Variants in SGCZ observed in about 807,000 individuals in gnomAD.
SGCZ encodes the protein sarcoglycan zeta.
SGCZ carries 40 observed loss-of-function variants against 41.3 expected under a neutral mutation model. That is an observed-to-expected ratio of 0.97 (90% confidence interval 0.75 to 1.26). The LOEUF (loss-of-function observed/expected upper bound fraction) is 1.26. Ranked by LOEUF, SGCZ falls within the 50% of genes most tolerant of loss-of-function variation. The probability of loss-of-function intolerance (pLI) is 0.00; values close to 1 mark genes in which losing one functional copy is unlikely to be tolerated. For synonymous variants in SGCZ, 206 were observed against 137.5 expected, an observed-to-expected ratio of 1.50 and a Z score of -3.49; for missense variants, 552 against 369.8, an observed-to-expected ratio of 1.49 and a Z score of -4.04.
chr8:14,541,746 T>G (rs1278983108), intron 2 of SGCZ, among the ~76,000 whole-genome samples: 1 of 152,044 alleles, frequency 6.6e-6, no homozygotes, highest in East Asian at 1.9e-4. Flanking sequence ...ACACTCCCAT[T>G]AACAGTGTAA....
At chr8:15,020,608 T>C (rs949977183) in intron 1 of SGCZ, among the ~76,000 whole-genome samples, 1 of 152,188 alleles carries the variant, frequency 6.6e-6, no homozygotes, top group Non-Finnish European at 1.5e-5. Flanking sequence ...CACAATTCTA[T>C]TATAGTGCAG....
chr8:14,647,915 G>C (rs1563177669), intron 1 of SGCZ, among the ~76,000 whole-genome samples: 1 of 151,842 alleles, frequency 6.6e-6, no homozygotes, highest in Non-Finnish European at 1.5e-5. Context: ...ATTCTTGTTT[G>C]GGTATTCCTC....
intron 1 of SGCZ, among the ~76,000 whole-genome samples, chr8:15,154,905 T>C (rs1455186646): frequency 6.6e-6 from 1 of 152,206 alleles, no homozygotes; most frequent in Non-Finnish European, 1.5e-5. Context: ...TCTAGTGTTC[T>C]ACAGCAGTGT....
chr8:14,502,820 G>C (rs1563371348), intron 2 of SGCZ, among the ~76,000 whole-genome samples: 3 of 152,186 alleles, frequency 2.0e-5, no homozygotes, highest in African/African-American at 7.2e-5. Context: ...GCGAGGATGT[G>C]GAGAAATAGG....
intron 1 of SGCZ, among the ~76,000 whole-genome samples, chr8:15,016,773 G>A (rs1229265770): frequency 6.6e-6 from 1 of 152,168 alleles, no homozygotes; most frequent in Non-Finnish European, 1.5e-5. Flanking sequence ...TCTGCAGGCT[G>A]TATAAGCATG....
chr8:14,609,979 T>A (rs534890024), intron 1 of SGCZ, among the ~76,000 whole-genome samples: 47 of 152,210 alleles, frequency 3.1e-4, no homozygotes, highest in Non-Finnish European at 6.0e-4. Flanking sequence ...AATACATTCA[T>A]ATTTTTGTTA....
chr8:14,350,330 C>T (rs1803043494), intron 2 of SGCZ, among the ~76,000 whole-genome samples: 1 of 151,472 alleles, frequency 6.6e-6, no homozygotes, highest in South Asian at 2.1e-4. Context: ...AGGTCATATT[C>T]AATAATCTTA....
At chr8:15,233,402 T>C (rs1315741452) in intron 1 of SGCZ, among the ~76,000 whole-genome samples, 1 of 151,782 alleles carries the variant, frequency 6.6e-6, no homozygotes, top group African/African-American at 2.4e-5. Flanking sequence ...TTGATTTAAA[T>C]TGTAGATGAA....
At chr8:14,524,512 C>T (rs1346967982) in intron 2 of SGCZ, among the ~76,000 whole-genome samples, 1 of 152,088 alleles carries the variant, frequency 6.6e-6, no homozygotes, top group Non-Finnish European at 1.5e-5. Flanking sequence ...CAGTCAGCCT[C>T]CTACTCAGTC....
At chr8:14,783,522 C>A (rs1444878072) in intron 1 of SGCZ, among the ~76,000 whole-genome samples, 2 of 151,718 alleles carry the variant, frequency 1.3e-5, no homozygotes, top group Non-Finnish European at 2.9e-5. Context: ...AAAATCACTT[C>A]TTTTCAGCTT....
intron 5 of SGCZ, among the ~76,000 whole-genome samples, chr8:14,155,869 T>G (rs898426654): frequency 3.3e-5 from 5 of 152,180 alleles, no homozygotes; most frequent in Non-Finnish European, 7.3e-5. Context: ...CTAAGTGGTA[T>G]AGCCTACTGC....
chr8:14,301,813 T>A (rs1801200034), intron 3 of SGCZ, among the ~76,000 whole-genome samples: 1 of 152,168 alleles, frequency 6.6e-6, no homozygotes, highest in South Asian at 2.1e-4. Flanking sequence ...AGTTATGACT[T>A]TATAGTATTT....
intron 4 of SGCZ, among the ~76,000 whole-genome samples, chr8:14,227,445 AC>A (rs1444513477): frequency 6.6e-6 from 1 of 152,062 alleles, no homozygotes; most frequent in Non-Finnish European, 1.5e-5. Context: ...ATAAGCCATG[AC>A]AAAATGAGAT....
rs534507360 is a variant in SGCZ at position 15,033,735 on chromosome 8, C to T, written c.39+203850G>A. Among the ~76,000 whole-genome samples, 43 of 151,978 alleles carry T rather than the reference C, an allele frequency of 2.8e-4. 3 individuals carry two copies. In the South Asian group the frequency reaches 8.8e-3, roughly 31 times the overall value. On this transcript the variant is annotated intron_variant, in intron 1 of 7. Transcript: ENST00000382080. ...ACTCCAACTTAAGGCCAACCCCAGT[C>T]CCAGGACAGCCCCTGTGGACCCAGG...
chr8:15,074,759 C>T (rs1805468615), intron 1 of SGCZ, among the ~76,000 whole-genome samples: 1 of 152,116 alleles, frequency 6.6e-6, no homozygotes, highest in South Asian at 2.1e-4. Context: ...TTCCTTTTGC[C>T]CTCCTCCTCT....
chr8:14,681,027 C>G (rs1459323428), intron 1 of SGCZ, among the ~76,000 whole-genome samples: 1 of 145,428 alleles, frequency 6.9e-6, no homozygotes, highest in Non-Finnish European at 1.5e-5. Context: ...ATCTAACATA[C>G]TTTTAATTGA....
chr8:14,827,745 T>C (rs531758430), intron 1 of SGCZ, among the ~76,000 whole-genome samples: 1 of 152,170 alleles, frequency 6.6e-6, no homozygotes, highest in African/African-American at 2.4e-5. Flanking sequence ...AATGACAGAA[T>C]ATAAGTCATC....
intron 1 of SGCZ, among the ~76,000 whole-genome samples, chr8:14,555,489 C>G (rs142032406): frequency 1.3e-5 from 2 of 152,190 alleles, no homozygotes; most frequent in East Asian, 3.9e-4. Flanking sequence ...TCCCCTTTGC[C>G]TTCCACCATG....
At chr8:15,090,393 C>T (rs1806114733) in intron 1 of SGCZ, among the ~76,000 whole-genome samples, 1 of 152,172 alleles carries the variant, frequency 6.6e-6, no homozygotes, top group Admixed American at 6.5e-5. Flanking sequence ...CATATTTCAG[C>T]TTCATGCTGA....
Sources: allele counts gnomAD v4.1 joint callset (sites outside exome capture counted in the v4.1 genomes callset), GRCh38; gene constraint gnomAD v4.1.1; transcripts MANE v1.5; gene names NCBI Gene and HGNC (gene_info 2026-07-23, HGNC 2026-07-21).